LTF: variants seen among roughly 807,000 people sequenced by gnomAD.
The protein encoded by LTF is epididymis luminal protein 110.
A neutral mutation model predicts 87.2 loss-of-function variants in LTF; 91 were observed. The observed-to-expected ratio is 1.04, with a 90% CI of 0.88 to 1.24. The LOEUF (loss-of-function observed/expected upper bound fraction) is 1.24, where lower values mean the gene tolerates loss of function less well. Ranked by LOEUF, LTF falls within the 50% of genes most tolerant of loss-of-function variation. LTF has a pLI of 0.00. For synonymous variants in LTF, 378 were observed against 356.1 expected, an observed-to-expected ratio of 1.06 and a Z score of -0.69; for missense variants, 901 against 904.3, an observed-to-expected ratio of 1.00 and a Z score of 0.05.
At chr3:46,482,655 AGAAAGAAGGAAGGAAGGAAGGAAGGAAG>A (rs1703458648) in intron 1 of LTF, among the ~76,000 whole-genome samples, 2 of 87,114 alleles carry the variant, frequency 2.3e-5, no homozygotes, top group Non-Finnish European at 4.6e-5. Context: ...AAAGAAAGAA[AGAAAGAAGGAAGGAAGGAAGGAAGGAAG>A]GAAGGAAGGA....
At chr3:46,472,424 A>C (rs1202708259) in intron 1 of LTF, among the ~76,000 whole-genome samples, 1 of 151,300 alleles carries the variant, frequency 6.6e-6, no homozygotes, top group Non-Finnish European at 1.5e-5. Flanking sequence ...GCAAAACTTC[A>C]TCCTAAGCAA....
At position 46,446,485 on chromosome 3, in the gene LTF, G is replaced by T; in HGVS notation, c.1312C>A (p.Gln438Lys). ...CAGTTAGGATCAGGGTCACTGCTTT[G>T]TTGGGATTCTGAAAGAATAAAGACA... ...PVLAENYKSQQSSDPDPNCVD... is the reference protein window; with the variant it reads ...PVLAENYKSQKSSDPDPNCVD... Residue 438 changes from glutamine (Q) to lysine (K), a missense_variant, in exon 11 of 17, where the codon CAA becomes AAA. Transcript: ENST00000231751. 6.2e-7 allele frequency: 1 copy of T among 1,613,680 alleles called. No individual in the cohort carries two copies. The highest frequency in any genetic ancestry group is 1.1e-5 in the South Asian group (1 of 90,982).
chr3:46,456,191 C>T, intron 3 of LTF, 99 bp downstream of exon 3: 1 of 1,112,704 alleles, frequency 9.0e-7, no homozygotes, highest in Non-Finnish European at 1.3e-6. Context: ...TGTGATGTGA[C>T]CCAGACTCCA....
Position 46,447,363 on chromosome 3 carries a change from T to A in LTF, c.1248A>T (p.Gly416=). Residue 416 remains glycine, a synonymous_variant, in exon 10 of 17, where the codon GGA becomes GGT. Coordinates refer to ENST00000231751, the MANE Select transcript of LTF (RefSeq NM_002343.6). ...GEADAMSLDG[G]YVYTAGKCGL... The stretch of plus-strand genomic sequence containing the variant: ...CACATTTGCCTGCAGTGTACACATA[T>A]CCTCCATCCAAACTCATGGCATCAG... 1 of 1,613,892 alleles carries A rather than the reference T, an allele frequency of 6.2e-7. No homozygotes were observed. The highest frequency in any genetic ancestry group is 8.5e-7 in the Non-Finnish European group (1 of 1,179,896).
chr3:46,449,800 G>A (rs2269443), intron 8 of LTF, 54 bp downstream of exon 8: 258,150 of 1,595,242 alleles, frequency 0.16, 21,987 homozygotes, highest in East Asian at 0.27. Context: ...GCCACCTGCT[G>A]GGAAGTAGAA....
chr3:46,446,708 G>T (rs775655225), intron 10 of LTF, among the ~76,000 whole-genome samples: 1 of 152,278 alleles, frequency 6.6e-6, no homozygotes, highest in East Asian at 1.9e-4. Context: ...CTACTCAAAT[G>T]CCCATCCACA....
chr3:46,450,424 C>T (rs1702774121), intron 7 of LTF, 71 bp downstream of exon 7: 10 of 1,506,316 alleles, frequency 6.6e-6, no homozygotes, highest in Admixed American at 2.0e-5. Flanking sequence ...TGGCAGAAGT[C>T]AGGGAAGTAA....
At chr3:46,456,101 T>G in intron 3 of LTF, 123 bp from the exon 4 acceptor site, 1 of 1,009,942 alleles carries the variant, frequency 9.9e-7, no homozygotes, top group Non-Finnish European at 1.4e-6. Context: ...ACAGCTCACG[T>G]GTGTCCTCCT....
At chr3:46,479,018 T>A (rs1703397740) in intron 1 of LTF, among the ~76,000 whole-genome samples, 1 of 152,202 alleles carries the variant, frequency 6.6e-6, no homozygotes. Flanking sequence ...TGTTAGGTAC[T>A]GGGTCACCAA....
At chr3:46,466,661 T>C (rs944653776), upstream of LTF, among the ~76,000 whole-genome samples, 1 of 152,180 alleles carries the variant, frequency 6.6e-6, no homozygotes, top group Non-Finnish European at 1.5e-5. Context: ...CCAGCTGGGT[T>C]TTGGGGTGAC....
At chr3:46,478,967 T>G (rs2106926925) in intron 1 of LTF, among the ~76,000 whole-genome samples, 1 of 152,316 alleles carries the variant, frequency 6.6e-6, no homozygotes, top group African/African-American at 2.4e-5. Flanking sequence ...TTCCCTCAAC[T>G]AAAGCCATCC....
intron 12 of LTF, among the ~76,000 whole-genome samples, chr3:46,444,797 G>A (rs1702605500): frequency 6.6e-6 from 1 of 152,222 alleles, no homozygotes; most frequent in African/African-American, 2.4e-5. Context: ...GTGTGGTGGG[G>A]AGAGAAAACT....
At chr3:46,448,636 C>T (rs1038776101) in intron 9 of LTF, among the ~76,000 whole-genome samples, 1 of 152,144 alleles carries the variant, frequency 6.6e-6, no homozygotes, top group African/African-American at 2.4e-5. Flanking sequence ...TTTCCAAATT[C>T]CTTATAATAA....
At chr3:46,441,977 GTGTGTGTGTGTA>G (rs1702533368) in intron 13 of LTF, 2 of 124,330 alleles carry the variant, frequency 1.6e-5, no homozygotes, top group South Asian at 5.8e-4. Context: ...GTGTGTGTGT[GTGTGTGTGTGTA>G]TGCATGTTGT....
upstream of LTF, chr3:46,469,412 G>T (rs193067814): frequency 6.6e-6 from 1 of 152,422 alleles, no homozygotes. Context: ...GCTGGCTTCT[G>T]ATGCTCTGGA....
Position 46,459,642 on chromosome 3 carries a change from C to G in LTF, c.207+14G>C. 2.1e-6 allele frequency: 3 copies of G among 1,425,236 alleles called. No homozygotes were observed. Among genetic ancestry groups the G allele is most frequent in the South Asian group, 3.3e-5 (2 of 59,972 alleles). The allele number at this position is 1,425,236 out of a possible 1,614,324, so 88.3% of individuals were successfully genotyped here. ...ATTCAGCTTGGTCCCAACCAACACC[C>G]GGCATTGACTCACCGCAATGGCCTG... On this transcript the variant is annotated intron_variant, in intron 2 of 16. Transcript: ENST00000231751.
rs762218983 is a variant in LTF at position 46,449,916 on chromosome 3, C to T, written c.995G>A (p.Arg332Lys). 1.2e-5 allele frequency: 19 copies of T among 1,614,028 alleles called. No individual in the cohort carries two copies. The highest frequency in any genetic ancestry group is 3.3e-4 in the Middle Eastern group (2 of 6,084). The change falls in exon 8 of 17, where the codon AGG becomes AAG. Residue 332 changes from arginine (R) to lysine (K), a missense_variant. Arg to Lys is a conservative substitution (Grantham distance 26, BLOSUM62 2). Coordinates refer to ENST00000231751, the MANE Select transcript of LTF (RefSeq NM_002343.6). ...SAIGFSRVPP[R>K]IDSGLYLGSG... ...GCCAAGGTACAGCCCAGAATCTATC[C>T]TCGGGGGCACCCTCGAAAACCCAAT...
At chr3:46,469,817 A>T (rs974315074), upstream of LTF, among the ~76,000 whole-genome samples, 2 of 152,188 alleles carry the variant, frequency 1.3e-5, no homozygotes, top group African/African-American at 2.4e-5. Flanking sequence ...AGGAGGGAAG[A>T]TCTGCTGAAG....
intron 1 of LTF, among the ~76,000 whole-genome samples, chr3:46,478,296 T>A (rs953721657): frequency 2.0e-5 from 3 of 152,126 alleles, no homozygotes; most frequent in Non-Finnish European, 2.9e-5. Context: ...CGACTGTCAG[T>A]CTTGGCTTTG....
Sources: allele counts gnomAD v4.1 joint callset (sites outside exome capture counted in the v4.1 genomes callset), GRCh38; gene constraint gnomAD v4.1.1; transcripts MANE v1.5; gene names NCBI Gene and HGNC (gene_info 2026-07-23, HGNC 2026-07-21).